The following CFAP46 variants were observed in gnomAD, a reference collection of about 807,000 sequenced individuals.
CFAP46 encodes the protein cilia and flagella associated protein 46.
CFAP46 carries 245 observed loss-of-function variants against 325.7 expected under a neutral mutation model. The observed-to-expected ratio is 0.75, with a 90% CI of 0.68 to 0.84. CFAP46 has a LOEUF of 0.84. Among genes scored for constraint, CFAP46 ranks in the 40% least tolerant of loss-of-function variants. The pLI, the probability that CFAP46 is intolerant of heterozygous loss-of-function variation, is 0.00. For synonymous variants in CFAP46, 1,523 were observed against 1,495.9 expected (o/e 1.02, Z -0.42); for missense variants, 3,346 against 3,543.0 (o/e 0.94, Z 1.41).
chr10:132,852,350 C>T (rs1848568496), intron 39 of CFAP46, among the ~76,000 whole-genome samples: 1 of 124,154 alleles, frequency 8.1e-6, no homozygotes, highest in African/African-American at 3.0e-5. Context: ...TCCTGATCCA[C>T]AGACGTGGTA....
intron 11 of CFAP46, 118 bp downstream of exon 11, chr10:132,924,578 G>A: frequency 2.0e-6 from 2 of 1,010,100 alleles, no homozygotes; most frequent in East Asian, 3.2e-5. Flanking sequence ...TGAGTACAGG[G>A]GGAGTCTGTT....
intron 11 of CFAP46, 64 bp from the exon 12 acceptor site, chr10:132,922,772 A>G: frequency 2.2e-6 from 3 of 1,343,690 alleles, no homozygotes; most frequent in Non-Finnish European, 3.1e-6. Context: ...CTGGGGTCAC[A>G]CCCTCCAGAG....
intron 26 of CFAP46, 66 bp downstream of exon 26, chr10:132,885,755 A>G (rs1591071824): frequency 1.4e-6 from 2 of 1,437,456 alleles, no homozygotes; most frequent in Non-Finnish European, 1.8e-6. Flanking sequence ...GGGAGCACTC[A>G]CAGGCGGTGG....
At position 132,885,077 on chromosome 10, in the gene CFAP46, G is replaced by A. The variant is rs565247379; in HGVS notation, c.3627+26C>T. ...TTCACTAAAGGACAAATTTTACCACGTGCACCCACGCTTACGGCTTCACAC... is the reference window on the plus strand; with the variant it reads ...TTCACTAAAGGACAAATTTTACCACATGCACCCACGCTTACGGCTTCACAC... On this transcript the variant is annotated intron_variant, in intron 27 of 57. Coordinates refer to ENST00000368586, the MANE Select transcript of CFAP46 (RefSeq NM_001200049.3). 19 of 1,528,642 alleles carry A rather than the reference G, an allele frequency of 1.2e-5. No homozygotes were observed. The East Asian group carries it at 3.2e-4, about 26-fold the overall frequency. 94.7% of individuals were successfully genotyped at this position (1,528,642 alleles called of 1,614,324 possible).
chr10:132,825,424 AG>A (rs1282971758), intron 50 of CFAP46, among the ~76,000 whole-genome samples: 1 of 152,180 alleles, frequency 6.6e-6, no homozygotes, highest in African/African-American at 2.4e-5. Context: ...CGCAATATAA[AG>A]GGGCAGGAGG....
chr10:132,810,357 G>T, intron 57 of CFAP46, 52 bp downstream of exon 57: 1 of 1,507,796 alleles, frequency 6.6e-7, no homozygotes, highest in Non-Finnish European at 9.2e-7. Flanking sequence ...CCCATGGGCA[G>T]TGGCTGCAGA....
Position 132,866,316 on chromosome 10 carries a change from G to C in CFAP46, c.4744-145C>G, listed in dbSNP as rs984477613. ...GCTCCCTGCTGGCCTAGGCACCATGGGCGCCTCGCAAGCTCCCCGTGTGCC... is the reference window on the plus strand; with the variant it reads ...GCTCCCTGCTGGCCTAGGCACCATGCGCGCCTCGCAAGCTCCCCGTGTGCC... On this transcript the variant is annotated intron_variant, in intron 34 of 57. Transcript: ENST00000368586. 1.0e-5 allele frequency: 9 copies of C among 886,982 alleles called. No homozygotes were observed. In the African/African-American group the frequency reaches 1.2e-4, roughly 12 times the overall value. 54.9% of individuals were successfully genotyped at this position (886,982 alleles called of 1,614,324 possible). A position where few individuals can be genotyped will look rare whatever the true frequency, so the allele number is the denominator to read the frequency against.
intron 55 of CFAP46, 138 bp from the exon 56 acceptor site, chr10:132,811,169 C>G (rs1847574854): frequency 8.2e-6 from 6 of 730,646 alleles, no homozygotes; most frequent in Non-Finnish European, 1.4e-5. Context: ...GCTCCGACCT[C>G]ATGACCGTCA....
At chr10:132,935,701 CT>C in intron 7 of CFAP46, among the ~76,000 whole-genome samples, 1 of 133,160 alleles carries the variant, frequency 7.5e-6, no homozygotes, top group Non-Finnish European at 1.6e-5. Context: ...TCCAAACACA[CT>C]GTGATCTCCT....
At chr10:132,924,362 C>T (rs745983665) in intron 11 of CFAP46, among the ~76,000 whole-genome samples, 3 of 151,150 alleles carry the variant, frequency 2.0e-5, no homozygotes, top group Non-Finnish European at 4.4e-5. Flanking sequence ...ACTCCTGTCT[C>T]ACCCAGCATG....
chr10:132,821,591 G>GCGC (rs1329208657), intron 50 of CFAP46, among the ~76,000 whole-genome samples: 8 of 137,724 alleles, frequency 5.8e-5, no homozygotes, highest in Non-Finnish European at 1.1e-4. Context: ...TGCTGTGTGT[G>GCGC]TGCTGTGTGC....
chr10:132,808,821 A>G lies in CFAP46; in HGVS notation c.7748T>C (p.Val2583Ala). The G allele has an allele frequency of 6.2e-7, 1 of 1,609,410 alleles. No homozygotes were observed. The highest frequency in any genetic ancestry group is 1.1e-5 in the South Asian group (1 of 90,378). ...APSHHAQLGP[V>A]WAAAPSHRVV... ...CCGATGGCTTGGTGCGGCAGCCCAT[A>G]CAGGACCAAGTTGAGCGTGGTGGGA... The change falls in exon 58 of 58, where the codon GTA (valine) becomes GCA (alanine). Residue 2583 changes from valine (V) to alanine (A), a missense_variant. Coordinates refer to ENST00000368586, the MANE Select transcript of CFAP46 (RefSeq NM_001200049.3). The surrounding 1 kb of genome is among the most constrained non-coding windows in gnomAD (Gnocchi z 6.8).
At chr10:132,865,614 T>C (rs1374153340) in intron 35 of CFAP46, among the ~76,000 whole-genome samples, 2 of 152,178 alleles carry the variant, frequency 1.3e-5, no homozygotes, top group South Asian at 2.1e-4. Flanking sequence ...CCCAGATTCC[T>C]GGACCCAGGC....
chr10:132,913,574 C>T (rs964238662), intron 17 of CFAP46, among the ~76,000 whole-genome samples: 3 of 152,188 alleles, frequency 2.0e-5, no homozygotes, highest in Admixed American at 6.5e-5. Context: ...GAGGTGGAAA[C>T]GTTTCATCCC....
chr10:132,864,837 C>T (rs534287232), intron 35 of CFAP46, among the ~76,000 whole-genome samples: 6 of 146,512 alleles, frequency 4.1e-5, no homozygotes, highest in African/African-American at 1.5e-4. Flanking sequence ...CCTGCACACA[C>T]CTGTTCCCAG....
At chr10:132,837,944 G>GACACGCACGTGTGCACGGACAC (rs1388170810) in intron 44 of CFAP46, among the ~76,000 whole-genome samples, 5 of 150,308 alleles carry the variant, frequency 3.3e-5, no homozygotes, top group Non-Finnish European at 5.9e-5. Context: ...CACGGACACA[G>GACACGCACGTGTGCACGGACAC]ACACGCACGT....
chr10:132,920,358 C>T (rs1238048638), intron 13 of CFAP46, among the ~76,000 whole-genome samples, 176 bp from the exon 14 acceptor site: 1 of 152,220 alleles, frequency 6.6e-6, no homozygotes. Context: ...TGCAGAGTGG[C>T]ATTGCCTGTG....
At chr10:132,816,293 C>T (rs977504635) in intron 50 of CFAP46, among the ~76,000 whole-genome samples, 2 of 150,746 alleles carry the variant, frequency 1.3e-5, no homozygotes, top group Non-Finnish European at 2.9e-5. Flanking sequence ...CTCTGCTCAC[C>T]TGGGGATCAT....
intron 8 of CFAP46, 122 bp downstream of exon 8, chr10:132,934,630 T>A (rs1849963626): frequency 4.5e-6 from 3 of 665,712 alleles, no homozygotes; most frequent in Non-Finnish European, 7.9e-6. Flanking sequence ...ACCTCCACAA[T>A]GGCTGGCTTT....
Sources: gnomAD v4.1 joint callset for allele counts (sites outside exome capture counted in the v4.1 genomes callset) on GRCh38, gnomAD v4.1.1 for gene constraint, Gnocchi (gnomAD v3.1) non-coding constraint, MANE v1.5 for transcripts, NCBI Gene and HGNC (gene_info 2026-07-23, HGNC 2026-07-21) for gene names.